Variants in GNAS observed in about 807,000 individuals in gnomAD.
The protein encoded by GNAS is GNAS complex locus.
In GNAS, 8 loss-of-function variants were observed where a neutral mutation model predicts 54.5. The observed-to-expected ratio is 0.15, with a 90% CI of 0.09 to 0.26. The LOEUF (loss-of-function observed/expected upper bound fraction) is 0.26, where lower values mean the gene tolerates loss of function less well. Ranked by LOEUF, GNAS falls within the 10% of genes least tolerant of loss-of-function variation. The pLI, the probability that GNAS is intolerant of heterozygous loss-of-function variation, is 1.00. For missense variants in GNAS, 170 were observed against 529.8 expected (o/e 0.32, Z 6.67); for synonymous variants, 204 against 191.4 (o/e 1.07, Z -0.54).
At chr20:58,861,925 G>A (rs910011788) in intron 1 of GNAS, among the ~76,000 whole-genome samples, 2 of 151,966 alleles carry the variant, frequency 1.3e-5, no homozygotes, top group Non-Finnish European at 1.5e-5. Flanking sequence ...GGCGGGTCTC[G>A]AACTCCTGAC....
At chr20:58,889,140 CG>C (rs2088839284), upstream of GNAS, 1 of 1,201,504 alleles carries the variant, frequency 8.3e-7, no homozygotes, top group Admixed American at 2.8e-5. Context: ...GGGGCGTCAT[CG>C]GGGCCGGTTA....
chr20:58,840,560 C>A, upstream of GNAS: 2 of 1,613,194 alleles, frequency 1.2e-6, no homozygotes, highest in Non-Finnish European at 1.7e-6. This position sits in a 1 kb window ranked among gnomAD's most constrained non-coding sequence, Gnocchi z 6.0. Context: ...GGTGCCCAAG[C>A]ACTCCACCTT....
rs550797266 is a variant in GNAS at position 58,866,550 on chromosome 20, T to C, written c.43+25664T>C. ...CAGTGGTCTAAGCCCCTAATTTGCA[T>C]CTGACCAGCCTCTCTCAAGTAACCA... On this transcript the variant is annotated intron_variant, in intron 1 of 12. Transcript: ENST00000306090. Among the ~76,000 whole-genome samples, 321 of 152,334 alleles carry C rather than the reference T, an allele frequency of 2.1e-3. 2 individuals carry two copies. The highest frequency in any genetic ancestry group is 7.5e-3 in the African/African-American group (313 of 41,572).
chr20:58,883,419 C>T (rs1042471250), intron 1 of GNAS, among the ~76,000 whole-genome samples: 10 of 152,128 alleles, frequency 6.6e-5, no homozygotes, highest in South Asian at 2.1e-4. Flanking sequence ...CAGTATTGGG[C>T]GGCGTGACAG....
intron 1 of GNAS, chr20:58,850,615 G>C (rs1028694462): frequency 2.5e-6 from 1 of 398,962 alleles, no homozygotes; most frequent in Non-Finnish European, 4.4e-6. Context: ...CTCTCCTTGG[G>C]GTCCTGGCCC....
intron 3 of GNAS, chr20:58,899,901 T>C: frequency 1.4e-6 from 1 of 716,828 alleles, no homozygotes; most frequent in East Asian, 2.7e-5. Flanking sequence ...GATATTGGGG[T>C]CTGGGGACAA....
rs2086886704 is a variant in GNAS at position 58,863,587 on chromosome 20, A to G, written c.43+22701A>G. ...CTTTAATGAGTTGATAATGGGAAGGAAAAAAATCTCTGTACTACTTTCTAA... is the reference window on the plus strand; with the variant it reads ...CTTTAATGAGTTGATAATGGGAAGGGAAAAAATCTCTGTACTACTTTCTAA... On this transcript the variant is annotated intron_variant, in intron 1 of 12. Coordinates refer to the GNAS transcript ENST00000306090. This position sits in a 1 kb window ranked among gnomAD's most constrained non-coding sequence, Gnocchi z 4.1. 1 of 152,178 alleles carries G rather than the reference A, an allele frequency of 6.6e-6. No individual in the cohort carries two copies. The highest frequency in any genetic ancestry group is 1.5e-5 in the Non-Finnish European group (1 of 68,028). The allele number at this position is 152,178 out of a possible 1,614,324, so 9.4% of individuals were successfully genotyped here.
intron 1 of GNAS, among the ~76,000 whole-genome samples, chr20:58,842,701 G>C (rs935074023): frequency 4.6e-5 from 7 of 152,214 alleles, no homozygotes; most frequent in African/African-American, 1.7e-4. Flanking sequence ...ATGATGGTGT[G>C]TTGGCTTTCT....
At chr20:58,849,752 G>A (rs1033805543) in intron 1 of GNAS, among the ~76,000 whole-genome samples, 25 of 152,140 alleles carry the variant, frequency 1.6e-4, no homozygotes, top group African/African-American at 5.8e-4. Flanking sequence ...CTTGAGTGCC[G>A]TCCTTCAGCC....
chr20:58,875,317 C>T (rs532794466), intron 1 of GNAS, among the ~76,000 whole-genome samples: 1 of 152,306 alleles, frequency 6.6e-6, no homozygotes, highest in East Asian at 1.9e-4. Flanking sequence ...GCTGTGTTCT[C>T]TTCAGTTAAT....
chr20:58,840,180 G>A, upstream of GNAS: 1 of 1,611,468 alleles, frequency 6.2e-7, no homozygotes. The surrounding 1 kb of genome is among the most constrained non-coding windows in gnomAD (Gnocchi z 6.0). Flanking sequence ...CCGCCCATAG[G>A]CCGCCGGGCA....
rs868645236 is a variant in GNAS at position 58,854,428 on chromosome 20, C to G, written c.43+13542C>G. 11 of 1,571,648 alleles carry G rather than the reference C, an allele frequency of 7.0e-6. No individual in the cohort carries two copies. The highest frequency in any genetic ancestry group is 1.4e-5 in the African/African-American group (1 of 73,486). ...TCCCCTGCCGCCGGGGCAGCCTCAG[C>G]GGATACCGCTGCCAGGGCAGCCCCT... On this transcript the variant is annotated intron_variant, in intron 1 of 12. Transcript: ENST00000306090.
intron 3 of GNAS, among the ~76,000 whole-genome samples, chr20:58,901,549 A>G (rs1224447287): frequency 6.6e-6 from 1 of 151,924 alleles, no homozygotes; most frequent in Admixed American, 6.6e-5. Flanking sequence ...TCCTGGCAAC[A>G]TCTGTCCCCC....
At chr20:58,850,956 C>T (rs570125772) in intron 1 of GNAS, 118 of 398,698 alleles carry the variant, frequency 3.0e-4, no homozygotes, top group African/African-American at 2.3e-3. Flanking sequence ...TGCTCATTCG[C>T]CAGGCAGCCT....
chr20:58,872,324 C>G (rs905690267), intron 1 of GNAS, among the ~76,000 whole-genome samples: 10 of 151,530 alleles, frequency 6.6e-5, no homozygotes, highest in African/African-American at 2.4e-4. Flanking sequence ...GAAAGTCTGG[C>G]ACACAGAGAA....
At chr20:58,855,530 G>A (rs2086444179) in intron 1 of GNAS, 3 of 723,368 alleles carry the variant, frequency 4.1e-6, no homozygotes, top group East Asian at 2.7e-5. Flanking sequence ...GTGGATTCGG[G>A]TGGCCGAAGT....
chr20:58,843,605 A>AT (rs2085827979), intron 1 of GNAS, among the ~76,000 whole-genome samples: 1 of 152,254 alleles, frequency 6.6e-6, no homozygotes, highest in Admixed American at 6.5e-5. Flanking sequence ...GGTGAACCAC[A>AT]TAGGTGAATT....
intron 3 of GNAS, among the ~76,000 whole-genome samples, chr20:58,902,538 A>G (rs2090710301): frequency 6.6e-6 from 1 of 151,992 alleles, no homozygotes; most frequent in African/African-American, 2.4e-5. Flanking sequence ...AACTCAAGGA[A>G]AAGCTACAAA....
chr20:58,839,947 G>A (rs1369769793), upstream of GNAS: 6 of 699,822 alleles, frequency 8.6e-6, no homozygotes, highest in Non-Finnish European at 1.4e-5. Flanking sequence ...GAAGGTAGGT[G>A]CTTCCCTTTT....
Sources: allele counts gnomAD v4.1 joint callset (sites outside exome capture counted in the v4.1 genomes callset), GRCh38; gene constraint gnomAD v4.1.1; non-coding constraint Gnocchi (gnomAD v3.1); transcripts MANE v1.5; gene names NCBI Gene and HGNC (gene_info 2026-07-23, HGNC 2026-07-21).